The following GLCE variants were observed in gnomAD, a reference collection of about 807,000 sequenced individuals.
GLCE encodes the protein D-glucuronyl C5-epimerase.
Under a neutral mutation model 47.9 loss-of-function variants are expected in GLCE, and 19 were observed. That is an observed-to-expected ratio of 0.40 (90% CI 0.28 to 0.58). GLCE has a LOEUF of 0.58. Ranked by LOEUF, GLCE falls within the 20% of genes least tolerant of loss-of-function variation. The pLI is 0.48. For synonymous variants in GLCE, 245 were observed against 263.4 expected (o/e 0.93, Z 0.68); for missense variants, 556 against 743.3 (o/e 0.75, Z 2.93).
intron 2 of GLCE, among the ~76,000 whole-genome samples, chr15:69,219,048 G>A (rs767073494): frequency 2.6e-4 from 40 of 152,010 alleles, no homozygotes; most frequent in African/African-American, 7.7e-4. Flanking sequence ...TGATTAAACC[G>A]TCTTTATCTT....
chr15:69,221,884 A>T (rs955793194), intron 2 of GLCE, among the ~76,000 whole-genome samples: 9 of 150,992 alleles, frequency 6.0e-5, no homozygotes, highest in South Asian at 2.1e-4. Context: ...AAAAAAAAAA[A>T]ATATGCCCTG....
chr15:69,210,744 A>G (rs2052221461), intron 2 of GLCE, among the ~76,000 whole-genome samples: 1 of 152,148 alleles, frequency 6.6e-6, no homozygotes, highest in Non-Finnish European at 1.5e-5. Context: ...TGCCTAGAGC[A>G]GGAGTCAGCA....
intron 2 of GLCE, among the ~76,000 whole-genome samples, chr15:69,237,682 T>C (rs1399147023): frequency 1.3e-5 from 2 of 152,216 alleles, no homozygotes; most frequent in African/African-American, 4.8e-5. Context: ...ATCTTATGAT[T>C]TTTAAAATTA....
At chr15:69,235,728 A>G (rs80103194) in intron 2 of GLCE, among the ~76,000 whole-genome samples, 1 of 152,220 alleles carries the variant, frequency 6.6e-6, no homozygotes, top group African/African-American at 2.4e-5. Flanking sequence ...AGTTTCTTCT[A>G]TATTTTCATA....
intron 2 of GLCE, among the ~76,000 whole-genome samples, chr15:69,213,709 T>C (rs1022214692): frequency 2.6e-5 from 4 of 152,132 alleles, no homozygotes; most frequent in African/African-American, 9.7e-5. Flanking sequence ...TTCCTTAAAT[T>C]TTTGGCCACT....
rs1566970921 is a variant in GLCE, at chr15:69,256,307, C to A, written c.501C>A (p.Pro167=). Residue 167 remains proline, a synonymous_variant, in exon 3 of 5, where the codon CCC becomes CCA. Transcript: ENST00000261858. The part of the protein sequence containing the change: ...SYSKVYAQRA[P]YHPDGVFMSF... ...CCAAAGTCTATGCACAGAGAGCCCC[C>A]TATCACCCCGATGGTGTGTTTATGT... 1.2e-6 allele frequency: 2 copies of A among 1,614,016 alleles called. No individual in the cohort carries two copies. The highest frequency in any genetic ancestry group is 4.5e-5 in the East Asian group (2 of 44,882).
At chr15:69,219,302 A>T (rs1031252948) in intron 2 of GLCE, among the ~76,000 whole-genome samples, 1 of 152,150 alleles carries the variant, frequency 6.6e-6, no homozygotes, top group Admixed American at 6.5e-5. Context: ...CAGTTGTTTC[A>T]GTATATATAA....
intron 1 of GLCE, among the ~76,000 whole-genome samples, chr15:69,182,298 T>TGTGTGTGA (rs1446237319): frequency 9.6e-5 from 14 of 145,814 alleles, no homozygotes; most frequent in African/African-American, 3.1e-4. Flanking sequence ...TGTGTGTGTG[T>TGTGTGTGA]GAGAGAGAGA....
chr15:69,219,976 T>C (rs1239300750), intron 2 of GLCE, among the ~76,000 whole-genome samples: 1 of 152,150 alleles, frequency 6.6e-6, no homozygotes, highest in Non-Finnish European at 1.5e-5. Context: ...ATAGTATTAG[T>C]GTTTTTGGTG....
intron 1 of GLCE, among the ~76,000 whole-genome samples, chr15:69,209,013 G>T (rs1317569390): frequency 2.0e-5 from 3 of 151,962 alleles, no homozygotes; most frequent in Non-Finnish European, 4.4e-5. Context: ...TTCATCTGTA[G>T]TAAGTTCACT....
chr15:69,173,233 A>G lies in GLCE; in HGVS notation c.-105+12476A>G, dbSNP rs554628996. Among the ~76,000 whole-genome samples, 9 of 152,372 alleles carry G rather than the reference A, an allele frequency of 5.9e-5. No individual in the cohort carries two copies. The East Asian group carries it at 1.7e-3, about 29-fold the overall frequency. On this transcript the variant is annotated intron_variant, in intron 1 of 4. Transcript: ENST00000261858. ...CACATTTTAAGGTAGGCATTGATAA[A>G]CAGTGTAGTGAGAAGAGAGTAATCA...
At chr15:69,231,585 G>C (rs1344820964) in intron 2 of GLCE, among the ~76,000 whole-genome samples, 1 of 151,884 alleles carries the variant, frequency 6.6e-6, no homozygotes, top group African/African-American at 2.4e-5. Flanking sequence ...GCCTTGTCCA[G>C]TCATTCTTAA....
intron 1 of GLCE, among the ~76,000 whole-genome samples, chr15:69,189,575 T>A (rs2051883449): frequency 6.6e-6 from 1 of 152,086 alleles, no homozygotes; most frequent in Non-Finnish European, 1.5e-5. Flanking sequence ...ATGGTAAGAG[T>A]ATATTTAGTT....
intron 1 of GLCE, among the ~76,000 whole-genome samples, chr15:69,206,100 T>G (rs1357116624): frequency 6.6e-6 from 1 of 152,064 alleles, no homozygotes; most frequent in Non-Finnish European, 1.5e-5. Context: ...TCCCTAAATC[T>G]CCTATAGTCT....
At chr15:69,182,444 T>C (rs2051764221) in intron 1 of GLCE, among the ~76,000 whole-genome samples, 2 of 151,822 alleles carry the variant, frequency 1.3e-5, no homozygotes, top group Non-Finnish European at 2.9e-5. Context: ...GGTATCAACA[T>C]AGAATAGGCA....
chr15:69,232,966 A>G (rs1215342728), intron 2 of GLCE, among the ~76,000 whole-genome samples: 1 of 152,188 alleles, frequency 6.6e-6, no homozygotes, highest in African/African-American at 2.4e-5. Flanking sequence ...GGAGCAGCAG[A>G]CAGTAGGAAA....
chr15:69,251,874 A>G (rs911973279), intron 2 of GLCE, among the ~76,000 whole-genome samples: 1 of 152,204 alleles, frequency 6.6e-6, no homozygotes, highest in Non-Finnish European at 1.5e-5. Flanking sequence ...TGTTTAAACA[A>G]AAGTATATAG....
At chr15:69,222,372 G>A (rs142722381) in intron 2 of GLCE, among the ~76,000 whole-genome samples, 206 of 152,310 alleles carry the variant, frequency 1.4e-3, no homozygotes, top group Non-Finnish European at 2.4e-3. Flanking sequence ...CTCCAGCAGG[G>A]TAGTTGAGGC....
chr15:69,211,030 CTTG>C (rs2052226489), intron 2 of GLCE, among the ~76,000 whole-genome samples: 1 of 151,960 alleles, frequency 6.6e-6, no homozygotes, highest in African/African-American at 2.4e-5. Context: ...GTCAGTAAGG[CTTG>C]TTGTATGAAA....
Sources: gnomAD v4.1 joint callset for allele counts (sites outside exome capture counted in the v4.1 genomes callset) on GRCh38, gnomAD v4.1.1 for gene constraint, MANE v1.5 for transcripts, NCBI Gene and HGNC (gene_info 2026-07-23, HGNC 2026-07-21) for gene names.